The following CCDC126 variants were observed in gnomAD, a reference collection of about 807,000 sequenced individuals.
CCDC126 encodes coiled-coil domain containing 126, also known as coiled-coil domain-containing protein 126.
A neutral mutation model predicts 11.7 loss-of-function variants in CCDC126; 5 were observed. That is an observed-to-expected ratio of 0.43 (90% CI 0.22 to 0.90). The LOEUF is 0.90. Among genes scored for constraint, CCDC126 ranks in the 40% least tolerant of loss-of-function variants. The probability of loss-of-function intolerance (pLI) is 0.27; values close to 1 mark genes in which losing one functional copy is unlikely to be tolerated. For missense variants in CCDC126, 150 were observed against 163.1 expected (o/e 0.92, Z 0.44); for synonymous variants, 60 against 61.9 (o/e 0.97, Z 0.14).
chr7:23,626,508 AAAAT>A (rs1214253974), intron 3 of CCDC126, among the ~76,000 whole-genome samples: 1 of 152,070 alleles, frequency 6.6e-6, no homozygotes, highest in Non-Finnish European at 1.5e-5. Flanking sequence ...GAAATTAAAA[AAAAT>A]ATTTATTTTA....
chr7:23,612,491 A>AAC (rs1562491733), intron 3 of CCDC126, among the ~76,000 whole-genome samples: 2 of 149,600 alleles, frequency 1.3e-5, no homozygotes. Context: ...AAAAAAAAAA[A>AAC]AAAAAAAAAA....
At chr7:23,605,990 T>TTTG (rs1554359812) in intron 2 of CCDC126, among the ~76,000 whole-genome samples, 1 of 150,576 alleles carries the variant, frequency 6.6e-6, no homozygotes, top group African/African-American at 2.4e-5. Context: ...CTGTTTTTTT[T>TTTG]TGTGTGTGTG....
chr7:23,624,843 CATTTT>C (rs1332857368), intron 3 of CCDC126, among the ~76,000 whole-genome samples: 14 of 152,110 alleles, frequency 9.2e-5, no homozygotes, highest in African/African-American at 3.4e-4. Context: ...AATATTATTT[CATTTT>C]ATTTTAATTT....
intron 2 of CCDC126, among the ~76,000 whole-genome samples, chr7:23,604,855 G>A (rs567635311): frequency 2.0e-5 from 3 of 152,048 alleles, no homozygotes; most frequent in South Asian, 2.1e-4. Context: ...AAAATTAGCC[G>A]GGTGTGGTGG....
chr7:23,621,678 C>A (rs971680335), intron 3 of CCDC126, among the ~76,000 whole-genome samples: 2 of 152,246 alleles, frequency 1.3e-5, no homozygotes, highest in Middle Eastern at 3.4e-3. Context: ...GGGAATGCTT[C>A]CAGTTTTTGC....
chr7:23,636,671 T>C (rs562010393), intron 3 of CCDC126, among the ~76,000 whole-genome samples: 4 of 125,414 alleles, frequency 3.2e-5, no homozygotes, highest in South Asian at 2.8e-4. Context: ...CCGGCAGCCA[T>C]CCCGTCTGGG....
intron 2 of CCDC126, among the ~76,000 whole-genome samples, chr7:23,604,924 G>C (rs1782595990): frequency 6.6e-6 from 1 of 151,694 alleles, no homozygotes; most frequent in Non-Finnish European, 1.5e-5. Flanking sequence ...TGTGAACCCA[G>C]GAGGTGGAGC....
At chr7:23,610,194 G>T (rs1442477504) in intron 2 of CCDC126, among the ~76,000 whole-genome samples, 1 of 152,078 alleles carries the variant, frequency 6.6e-6, no homozygotes, top group Non-Finnish European at 1.5e-5. Flanking sequence ...ATAGAAAAAT[G>T]TTCCAACCTG....
intron 3 of CCDC126, among the ~76,000 whole-genome samples, chr7:23,638,367 A>G (rs1584220101): frequency 9.7e-6 from 1 of 102,706 alleles, no homozygotes; most frequent in Non-Finnish European, 1.9e-5. Context: ...TTTGTTCTGT[A>G]CTAAGAAAAA....
intron 3 of CCDC126, among the ~76,000 whole-genome samples, chr7:23,615,981 A>G (rs1782789072): frequency 6.6e-6 from 1 of 152,256 alleles, no homozygotes. Context: ...GATGGCACCA[A>G]TAGACTTGCT....
chr7:23,607,451 A>G (rs1358551231), intron 2 of CCDC126, among the ~76,000 whole-genome samples: 1 of 152,240 alleles, frequency 6.6e-6, no homozygotes, highest in East Asian at 1.9e-4. Context: ...TTGCACAGAA[A>G]GAAAGGACAT....
intron 2 of CCDC126, among the ~76,000 whole-genome samples, chr7:23,607,409 GC>G: frequency 6.6e-6 from 1 of 152,106 alleles, no homozygotes; most frequent in East Asian, 1.9e-4. Flanking sequence ...GGTTCAAAGT[GC>G]AAGTTCTTCT....
At chr7:23,640,318 A>G (rs1783331414) in intron 3 of CCDC126, among the ~76,000 whole-genome samples, 4 of 151,268 alleles carry the variant, frequency 2.6e-5, no homozygotes, top group Admixed American at 2.6e-4. Flanking sequence ...ACCAACATGG[A>G]GAAACCCCAC....
rs1783395069 is a variant in CCDC126 at position 23,643,109 on chromosome 7, CAGAT to C, written c.420_423del (p.Arg140SerfsTer3). 2 of 1,613,124 alleles carry C rather than the reference CAGAT, an allele frequency of 1.2e-6. No homozygotes were observed. The highest frequency in any genetic ancestry group is 1.7e-6 in the Non-Finnish European group (2 of 1,179,522). On this transcript the variant is annotated frameshift_variant and stop_lost, in exon 4 of 4. Coordinates refer to ENST00000307471, the MANE Select transcript of CCDC126 (RefSeq NM_138771.4). LOFTEE classifies it high-confidence loss of function. The stretch of plus-strand genomic sequence containing the variant: ...AAAGAACGAATGTCTCGGGCAGTAT[CAGAT>C]AGCAGTTGAAAATCACCTTGTGCTG...
intron 2 of CCDC126, among the ~76,000 whole-genome samples, chr7:23,600,166 A>T (rs1782511619): frequency 6.6e-6 from 1 of 152,092 alleles, no homozygotes; most frequent in African/African-American, 2.4e-5. Flanking sequence ...TCCCTGCCTC[A>T]CTTTACCATT....
At chr7:23,620,458 T>A (rs1303881073) in intron 3 of CCDC126, among the ~76,000 whole-genome samples, 4 of 151,976 alleles carry the variant, frequency 2.6e-5, no homozygotes, top group African/African-American at 9.7e-5. Context: ...GTTTGAGTTC[T>A]TTGTGGATTC....
At chr7:23,599,477 T>A (rs984599227) in intron 2 of CCDC126, among the ~76,000 whole-genome samples, 26 of 151,986 alleles carry the variant, frequency 1.7e-4, no homozygotes, top group African/African-American at 6.3e-4. Flanking sequence ...ATAGTGTGTG[T>A]CTATGTATAT....
chr7:23,642,571 C>T (rs998840829), intron 3 of CCDC126, among the ~76,000 whole-genome samples: 9 of 151,876 alleles, frequency 5.9e-5, no homozygotes, highest in South Asian at 2.1e-4. Context: ...AAGAGCAGCC[C>T]GGCCAACGTG....
chr7:23,630,983 T>C (rs2128020479), intron 3 of CCDC126, among the ~76,000 whole-genome samples: 1 of 151,732 alleles, frequency 6.6e-6, no homozygotes, highest in Admixed American at 6.6e-5. Flanking sequence ...ACATAAAAAA[T>C]TGTGGGACAC....
Sources: gnomAD v4.1 joint callset for allele counts (sites outside exome capture counted in the v4.1 genomes callset) on GRCh38, gnomAD v4.1.1 for gene constraint, MANE v1.5 for transcripts, NCBI Gene and HGNC (gene_info 2026-07-23, HGNC 2026-07-21) for gene names.